The following NAALADL2 variants were observed in gnomAD, a reference collection of about 807,000 sequenced individuals.
The protein encoded by NAALADL2 is N-acetylated alpha-linked acidic dipeptidase like 2, also known as inactive N-acetylated-alpha-linked acidic dipeptidase-like protein 2.
NAALADL2 carries 76 observed loss-of-function variants against 87.2 expected under a neutral mutation model. The observed-to-expected ratio is 0.87, with a 90% CI of 0.72 to 1.05. The LOEUF (loss-of-function observed/expected upper bound fraction) is 1.05. NAALADL2 is among the 50% of genes least tolerant of loss of function. The pLI is 0.00. For missense variants in NAALADL2, 1,089 were observed against 945.8 expected (o/e 1.15, Z -1.99); for synonymous variants, 354 against 331.0 (o/e 1.07, Z -0.75).
chr3:174,826,187 T>C (rs1234752133), intron 3 of NAALADL2, among the ~76,000 whole-genome samples: 2 of 152,238 alleles, frequency 1.3e-5, no homozygotes, highest in Non-Finnish European at 2.9e-5. Flanking sequence ...TACTTACTTA[T>C]TTGATTGTTT....
chr3:175,683,544 G>A (rs560977042), intron 11 of NAALADL2, among the ~76,000 whole-genome samples: 1 of 152,004 alleles, frequency 6.6e-6, no homozygotes, highest in South Asian at 2.1e-4. Flanking sequence ...GGTATAATTA[G>A]CAAATGGGTG....
intron 10 of NAALADL2, among the ~76,000 whole-genome samples, chr3:175,606,669 T>A (rs1343155326): frequency 6.6e-6 from 1 of 152,180 alleles, no homozygotes; most frequent in Admixed American, 6.6e-5. Flanking sequence ...GATACTTGAA[T>A]GGACTGTATT....
intron 1 of NAALADL2, among the ~76,000 whole-genome samples, chr3:175,046,377 T>C (rs1241975211): frequency 2.6e-5 from 4 of 152,146 alleles, no homozygotes; most frequent in Admixed American, 2.6e-4. Flanking sequence ...CAGGAACCAG[T>C]TCTATTTGTT....
At chr3:174,934,580 G>A (rs570707489) in intron 1 of NAALADL2, among the ~76,000 whole-genome samples, 1 of 152,198 alleles carries the variant, frequency 6.6e-6, no homozygotes, top group South Asian at 2.1e-4. Flanking sequence ...GGGAGGCAGA[G>A]GCGGGAGGAT....
At chr3:175,023,744 C>A (rs1341746646) in intron 1 of NAALADL2, among the ~76,000 whole-genome samples, 3 of 152,058 alleles carry the variant, frequency 2.0e-5, no homozygotes, top group African/African-American at 7.2e-5. Flanking sequence ...CAACAAGAGA[C>A]CAATCTCCTA....
chr3:174,553,340 G>T (rs1363925260), intron 2 of NAALADL2, among the ~76,000 whole-genome samples: 2 of 152,122 alleles, frequency 1.3e-5, no homozygotes, highest in Non-Finnish European at 2.9e-5. Flanking sequence ...CTCCTAAAAG[G>T]TGTTAATAGT....
chr3:174,678,524 G>A (rs141324820), intron 2 of NAALADL2, among the ~76,000 whole-genome samples: 3 of 152,116 alleles, frequency 2.0e-5, no homozygotes, highest in East Asian at 1.9e-4. Flanking sequence ...TGTTATTACC[G>A]GTATTTGATG....
At chr3:174,609,478 A>T (rs928159061) in intron 2 of NAALADL2, among the ~76,000 whole-genome samples, 1 of 152,168 alleles carries the variant, frequency 6.6e-6, no homozygotes, top group Non-Finnish European at 1.5e-5. Flanking sequence ...TCAGGATACA[A>T]AATCAATGTA....
intron 3 of NAALADL2, among the ~76,000 whole-genome samples, chr3:174,850,652 C>T (rs775821073): frequency 6.6e-6 from 1 of 151,958 alleles, no homozygotes; most frequent in African/African-American, 2.4e-5. Context: ...GATAGAGACC[C>T]CAATACAATA....
intron 5 of NAALADL2, among the ~76,000 whole-genome samples, chr3:175,408,753 T>C (rs1712911007): frequency 6.6e-6 from 1 of 152,054 alleles, no homozygotes; most frequent in South Asian, 2.1e-4. Flanking sequence ...ATCAAAATCC[T>C]AAAATGTGCT....
At chr3:175,119,692 T>TAGAGATATAGATATAGATATAG (rs1725822569) in intron 2 of NAALADL2, among the ~76,000 whole-genome samples, 1 of 145,324 alleles carries the variant, frequency 6.9e-6, no homozygotes, top group Non-Finnish European at 1.5e-5. Flanking sequence ...AAGGTGTGTA[T>TAGAGATATAGATATAGATATAG]ATATAGATAT....
At chr3:174,974,729 T>C (rs1471559375) in intron 1 of NAALADL2, among the ~76,000 whole-genome samples, 3 of 152,160 alleles carry the variant, frequency 2.0e-5, no homozygotes, top group African/African-American at 7.2e-5. Context: ...ATAACATTTA[T>C]TTAATTTTAC....
chr3:175,649,417 A>G (rs1730444612), intron 11 of NAALADL2, among the ~76,000 whole-genome samples: 1 of 152,080 alleles, frequency 6.6e-6, no homozygotes, highest in African/African-American at 2.4e-5. Context: ...GAAAAAAAAA[A>G]AAAAAAAATT....
chr3:174,961,143 T>G (rs1741931921), intron 1 of NAALADL2, among the ~76,000 whole-genome samples: 1 of 148,752 alleles, frequency 6.7e-6, no homozygotes, highest in Non-Finnish European at 1.5e-5. Flanking sequence ...TATATAATAA[T>G]ACAATGATTT....
intron 13 of NAALADL2, among the ~76,000 whole-genome samples, chr3:175,794,565 T>TA (rs559103194): frequency 6.6e-6 from 1 of 152,172 alleles, no homozygotes; most frequent in Non-Finnish European, 1.5e-5. Context: ...ATGGGAGTCT[T>TA]ACTTGAATAT....
chr3:175,762,229 C>T (rs1748127368), intron 13 of NAALADL2, among the ~76,000 whole-genome samples: 1 of 110,080 alleles, frequency 9.1e-6, no homozygotes, highest in Admixed American at 1.2e-4. Flanking sequence ...TCCAGTTGTT[C>T]CAGCATTGTT....
intron 5 of NAALADL2, among the ~76,000 whole-genome samples, chr3:175,406,586 A>G (rs1439042475): frequency 2.6e-5 from 4 of 152,174 alleles, no homozygotes; most frequent in Non-Finnish European, 4.4e-5. Flanking sequence ...ATATGTCTTT[A>G]TTACCCTTTT....
intron 5 of NAALADL2, among the ~76,000 whole-genome samples, chr3:175,325,462 C>G (rs1046632536): frequency 2.0e-5 from 3 of 152,210 alleles, no homozygotes; most frequent in African/African-American, 7.2e-5. Flanking sequence ...CATCTATCTA[C>G]AATTTCTAGA....
intron 10 of NAALADL2, among the ~76,000 whole-genome samples, chr3:175,604,298 ATTTT>A (rs33971019): frequency 2.0e-4 from 17 of 83,540 alleles, no homozygotes; most frequent in African/African-American, 6.5e-4. Flanking sequence ...TGACATTGAA[ATTTT>A]TTTTTTTTTT....
Sources: gnomAD v4.1 joint callset for allele counts (sites outside exome capture counted in the v4.1 genomes callset) on GRCh38, gnomAD v4.1.1 for gene constraint, MANE v1.5 for transcripts, NCBI Gene and HGNC (gene_info 2026-07-23, HGNC 2026-07-21) for gene names.